SORBS2: variants seen among roughly 807,000 people sequenced by gnomAD.
SORBS2 encodes the protein sorbin and SH3 domain-containing protein 2.
Under a neutral mutation model 97.7 loss-of-function variants are expected in SORBS2, and 46 were observed. The observed-to-expected ratio is 0.47, with a 90% CI of 0.37 to 0.60. SORBS2 has a LOEUF of 0.60. Ranked by LOEUF, SORBS2 falls within the 20% of genes least tolerant of loss-of-function variation. The pLI is 0.00. For synonymous variants in SORBS2, 476 were observed against 473.4 expected, an observed-to-expected ratio of 1.01 and a Z score of -0.07; for missense variants, 1,316 against 1,282.3, an observed-to-expected ratio of 1.03 and a Z score of -0.40.
At chr4:185,591,663 C>T (rs1040707282) in intron 13 of SORBS2, among the ~76,000 whole-genome samples, 5 of 152,144 alleles carry the variant, frequency 3.3e-5, no homozygotes, top group African/African-American at 1.2e-4. Context: ...TGGATACACA[C>T]GGCATTTCTC....
chr4:185,667,193 G>T (rs1288881502), intron 4 of SORBS2, among the ~76,000 whole-genome samples: 1 of 152,152 alleles, frequency 6.6e-6, no homozygotes, highest in African/African-American at 2.4e-5. Flanking sequence ...GAGAGGAAAT[G>T]GTTTTAAGAT....
intron 2 of SORBS2, among the ~76,000 whole-genome samples, chr4:185,720,490 T>C (rs1176401956): frequency 1.3e-5 from 2 of 152,152 alleles, no homozygotes; most frequent in Non-Finnish European, 2.9e-5. Flanking sequence ...ATGCAATTGC[T>C]TTCTCTTCCT....
chr4:185,955,165 C>T (rs1288302959), intron 1 of SORBS2, among the ~76,000 whole-genome samples: 1 of 152,104 alleles, frequency 6.6e-6, no homozygotes, highest in Non-Finnish European at 1.5e-5. Flanking sequence ...TTAGAGATCA[C>T]TAGGAAATGA....
chr4:185,873,035 G>C (rs28702910), intron 1 of SORBS2, among the ~76,000 whole-genome samples: 1 of 152,072 alleles, frequency 6.6e-6, no homozygotes. Flanking sequence ...CTAGCATAGA[G>C]AGGATGCTTA....
chr4:185,862,475 C>CCATGATGG (rs2099224406), intron 1 of SORBS2, among the ~76,000 whole-genome samples: 1 of 152,326 alleles, frequency 6.6e-6, no homozygotes, highest in Admixed American at 6.5e-5. Context: ...TCCAGGCTCG[C>CCATGATGG]CATGATGGCA....
At chr4:185,819,139 A>G (rs1300570974) in intron 1 of SORBS2, among the ~76,000 whole-genome samples, 1 of 152,216 alleles carries the variant, frequency 6.6e-6, no homozygotes, top group East Asian at 1.9e-4. Flanking sequence ...AGCTCAAATA[A>G]CAGGGCTTAC....
chr4:185,651,694 C>A, intron 2 of SORBS2, 90 bp downstream of exon 11: 1 of 791,264 alleles, frequency 1.3e-6, no homozygotes, highest in South Asian at 1.4e-5. Flanking sequence ...AACATGTGCT[C>A]AAACAGAAGG....
intron 12 of SORBS2, among the ~76,000 whole-genome samples, chr4:185,602,163 C>T (rs960156651): frequency 6.6e-6 from 1 of 152,180 alleles, no homozygotes; most frequent in African/African-American, 2.4e-5. Context: ...GCACCTGTCA[C>T]CACGTCCGGC....
intron 2 of SORBS2, among the ~76,000 whole-genome samples, chr4:185,685,351 G>A (rs964845081): frequency 6.6e-6 from 1 of 152,086 alleles, no homozygotes; most frequent in Non-Finnish European, 1.5e-5. Context: ...AAAATTATTA[G>A]TGACACAGGT....
At chr4:185,828,673 A>C (rs2099203379) in intron 1 of SORBS2, among the ~76,000 whole-genome samples, 1 of 152,086 alleles carries the variant, frequency 6.6e-6, no homozygotes, top group African/African-American at 2.4e-5. Flanking sequence ...CGAGATCCTA[A>C]ATGTCCCAAG....
chr4:185,678,971 G>A, intron 2 of SORBS2, 149 bp from the exon 6 acceptor site: 1 of 432,474 alleles, frequency 2.3e-6, no homozygotes, highest in East Asian at 3.7e-5. Context: ...CCAAAGGGAG[G>A]CTTGTACATT....
intron 1 of SORBS2, among the ~76,000 whole-genome samples, chr4:185,854,703 T>C (rs2099219741): frequency 6.6e-6 from 1 of 152,040 alleles, no homozygotes; most frequent in African/African-American, 2.4e-5. Flanking sequence ...ATGGGAAAGA[T>C]GCCCAACTAG....
At chr4:185,804,306 G>T (rs1436041568) in intron 1 of SORBS2, among the ~76,000 whole-genome samples, 2 of 152,206 alleles carry the variant, frequency 1.3e-5, no homozygotes, top group Admixed American at 1.3e-4. Flanking sequence ...ACTTGGCCTA[G>T]TTACTCAGCC....
intron 3 of SORBS2, 85 bp downstream of exon 12, chr4:185,649,382 G>T (rs2097271007): frequency 1.8e-6 from 2 of 1,098,600 alleles, no homozygotes; most frequent in East Asian, 2.9e-5. Flanking sequence ...TCTGTGGCAG[G>T]TGCACTGATT....
chr4:185,624,266 C>T (rs1416563693), exon 7 of SORBS2: 2 of 1,614,058 alleles, frequency 1.2e-6, no homozygotes, highest in Admixed American at 3.3e-5. Flanking sequence ...GAGATCGTCA[C>T]AGCTCCGGGA....
At chr4:185,708,961 A>G (rs2098386625) in intron 2 of SORBS2, among the ~76,000 whole-genome samples, 4 of 152,240 alleles carry the variant, frequency 2.6e-5, no homozygotes, top group Non-Finnish European at 5.9e-5. Context: ...CGTGGGTATG[A>G]CTGTATGTGT....
chr4:185,622,961 G>T (rs1434390009), exon 7 of SORBS2: 1 of 1,613,822 alleles, frequency 6.2e-7, no homozygotes, highest in Non-Finnish European at 8.5e-7. Flanking sequence ...GCTGTTGGCT[G>T]TGTCCACGTC....
At chr4:185,883,853 A>G (rs985986362) in intron 1 of SORBS2, among the ~76,000 whole-genome samples, 1 of 152,238 alleles carries the variant, frequency 6.6e-6, no homozygotes, top group African/African-American at 2.4e-5. Flanking sequence ...ATATCTAAAA[A>G]TAATTTTTTT....
intron 2 of SORBS2, among the ~76,000 whole-genome samples, chr4:185,747,457 G>A (rs2098769472): frequency 6.6e-6 from 1 of 152,260 alleles, no homozygotes; most frequent in African/African-American, 2.4e-5. Flanking sequence ...TGACTGGAAA[G>A]AAGCAGAGGG....
Sources: gnomAD v4.1 joint callset for allele counts (sites outside exome capture counted in the v4.1 genomes callset) on GRCh38, gnomAD v4.1.1 for gene constraint, MANE v1.5 for transcripts, NCBI Gene and HGNC (gene_info 2026-07-23, HGNC 2026-07-21) for gene names.